Variants in SIRPB1 observed in about 807,000 individuals in gnomAD.
SIRPB1 encodes signal regulatory protein beta 1.
A neutral mutation model predicts 34.1 loss-of-function variants in SIRPB1; 28 were observed. That is an observed-to-expected ratio of 0.82 (90% CI 0.61 to 1.12). The LOEUF is 1.12. Among genes scored for constraint, SIRPB1 ranks in the 50% most tolerant of loss-of-function variants. SIRPB1 has a pLI of 0.00. For missense variants in SIRPB1, 499 were observed against 507.0 expected (o/e 0.98, Z 0.15); for synonymous variants, 211 against 203.8 (o/e 1.04, Z -0.30).
intron 5 of SIRPB1, 91 bp downstream of exon 5, chr20:1,566,062 C>T (rs998822021): frequency 1.3e-6 from 1 of 776,250 alleles, no homozygotes; most frequent in Non-Finnish European, 2.2e-6. Flanking sequence ...CTCCACTGAC[C>T]CTGAAGCTGC....
Position 1,593,729 on chromosome 20 carries a change from C to T in SIRPB1, c.77-15035G>A, listed in dbSNP as rs966745901. Among the ~76,000 whole-genome samples, 6 of 47,234 alleles carry T rather than the reference C, an allele frequency of 1.3e-4. 2 individuals are homozygous for T. The highest frequency in any genetic ancestry group is 2.4e-4 in the Non-Finnish European group (6 of 24,768). 31.0% of individuals were successfully genotyped at this position (47,234 alleles called of 152,430 possible). On this transcript the variant is annotated intron_variant, in intron 1 of 5. Transcript: ENST00000381605. ...TATTTGTATAAGAGTCTACTGTTTA[C>T]GAAGGAAAAAGGAAAAAAAACCCAG...
At position 1,585,180 on chromosome 20, in the gene SIRPB1, C is replaced by T. The variant is rs1045525824; in HGVS notation, c.77-6486G>A. ...GAAGAAAAGTTCCATGACATTGGTC[C>T]GGGCAATGAATTTTTGGATATGAGC... On this transcript the variant is annotated intron_variant, in intron 1 of 5. Coordinates refer to ENST00000381605, the MANE Select transcript of SIRPB1 (RefSeq NM_006065.5). Among the ~76,000 whole-genome samples, 7 of 48,626 alleles carry T rather than the reference C, an allele frequency of 1.4e-4. 3 individuals carry two copies. The highest frequency in any genetic ancestry group is 1.1e-3 in the East Asian group (2 of 1,744). The allele number at this position is 48,626 out of a possible 152,430, so 31.9% of individuals were successfully genotyped here.
At position 1,578,800 on chromosome 20, in the gene SIRPB1, G is replaced by T; in HGVS notation, c.77-106C>A. ...ATTGACTGGGTGCACACCAGGAAAAGGCCTTGAGCTCAGCCCACTACATGT... is the reference window on the plus strand; with the variant it reads ...ATTGACTGGGTGCACACCAGGAAAATGCCTTGAGCTCAGCCCACTACATGT... On this transcript the variant is annotated intron_variant, in intron 1 of 5. Coordinates refer to ENST00000381605, the MANE Select transcript of SIRPB1 (RefSeq NM_006065.5). 2.1e-6 allele frequency: 2 copies of T among 964,360 alleles called. 1 individual carries two copies. Among genetic ancestry groups the T allele is most frequent in the South Asian group, 2.9e-5 (2 of 68,846 alleles). The allele number at this position is 964,360 out of a possible 1,614,324, so 59.7% of individuals were successfully genotyped here.
At chr20:1,585,242 T>C (rs1311886499) in intron 1 of SIRPB1, among the ~76,000 whole-genome samples, 1 of 48,878 alleles carries the variant, frequency 2.0e-5, no homozygotes, top group Non-Finnish European at 3.9e-5. Context: ...AATAAATAAA[T>C]GGCACTACAA....
At chr20:1,604,847 G>A (rs566268019) in intron 1 of SIRPB1, 1 of 615,556 alleles carries the variant, frequency 1.6e-6, no homozygotes, top group East Asian at 6.0e-5. Flanking sequence ...TCGCGGGTCA[G>A]CACCACCTTG....
chr20:1,570,632 A>G (rs2091215996), intron 4 of SIRPB1, 173 bp downstream of exon 4: 2 of 582,886 alleles, frequency 3.4e-6, no homozygotes, highest in African/African-American at 1.9e-5. Context: ...CAAATGGCCA[A>G]TTGTTACCTT....
In SIRPB1 at chr20:1,578,468, C is replaced by G; in HGVS notation, c.303G>C (p.Leu101=). 6.3e-7 allele frequency: 1 copy of G among 1,584,128 alleles called. No individual in the cohort carries two copies. Among genetic ancestry groups the G allele is most frequent in the Non-Finnish European group, 8.6e-7 (1 of 1,157,948 alleles). Residue 101 remains leucine (L), a synonymous_variant, in exon 2 of 6, where the codon CTG becomes CTC. Transcript: ENST00000381605. The part of the protein sequence containing the change: ...TVSELTKRNN[L]DFSISISNIT... The stretch of plus-strand genomic sequence containing the variant: ...TGTTACTGATGCTGATGGAAAAGTC[C>G]AGGTTGTTTCTCTTTGTGAGTTCTG...
In SIRPB1 at chr20:1,591,005, T is replaced by C. The variant is rs1406125924; in HGVS notation, c.77-12311A>G. Among the ~76,000 whole-genome samples, 3 of 49,188 alleles carry C rather than the reference T, an allele frequency of 6.1e-5. 1 individual carries two copies. Among genetic ancestry groups the C allele is most frequent in the African/African-American group, 4.0e-4 (3 of 7,518 alleles). The allele number at this position is 49,188 out of a possible 152,430, so 32.3% of individuals were successfully genotyped here. On this transcript the variant is annotated intron_variant, in intron 1 of 5. Transcript: ENST00000381605. ...AAAATTAGCATACACAGTAACCTTATAAAGATAGCAAAAGGGAAGTGAATC... is the reference window on the plus strand; with the variant it reads ...AAAATTAGCATACACAGTAACCTTACAAAGATAGCAAAAGGGAAGTGAATC...
At chr20:1,569,946 C>A (rs2091201750) in intron 4 of SIRPB1, among the ~76,000 whole-genome samples, 1 of 152,188 alleles carries the variant, frequency 6.6e-6, no homozygotes, top group African/African-American at 2.4e-5. Flanking sequence ...GAACACTGGC[C>A]AAATTTGGGT....
At chr20:1,598,854 G>T in intron 1 of SIRPB1, 1 of 567,780 alleles carries the variant, frequency 1.8e-6, no homozygotes, top group Non-Finnish European at 2.3e-6. Context: ...AGACATAGAT[G>T]ACAGAGACAC....
In SIRPB1 at chr20:1,566,005, C is replaced by G. The variant is rs1400449509; in HGVS notation, c.*2+148G>C. The G allele has an allele frequency of 1.0e-5, 6 of 581,790 alleles. No individual in the cohort carries two copies. In the African/African-American group the frequency reaches 1.1e-4, roughly 11 times the overall value. 36.0% of individuals were successfully genotyped at this position (581,790 alleles called of 1,614,324 possible). A position where few individuals can be genotyped will look rare whatever the true frequency, so the allele number is the denominator to read the frequency against. On this transcript the variant is annotated intron_variant, in intron 5 of 5. Transcript: ENST00000381605. ...GGGTTGGGAGCCCCATACAGGGTTC[C>G]CTGAGACTCCTGAGTATCCTGAGGG...
rs1267467093 is a variant in SIRPB1 at position 1,610,194 on chromosome 20, G to A, written c.76+9675C>T. 5.5e-5 allele frequency among the ~76,000 whole-genome samples: 4 copies of A among 72,670 alleles called. 2 individuals carry two copies. The highest frequency in any genetic ancestry group is 3.5e-4 in the African/African-American group (4 of 11,458). 47.7% of individuals were successfully genotyped at this position (72,670 alleles called of 152,430 possible). ...TGTGAGGTGCATTCTTAACATTTGG[G>A]AAACTGATGAAAAGAGAAATGCTGG... On this transcript the variant is annotated intron_variant, in intron 1 of 5. Coordinates refer to ENST00000381605, the MANE Select transcript of SIRPB1 (RefSeq NM_006065.5).
At chr20:1,614,931 C>T (rs545654636) in intron 1 of SIRPB1, among the ~76,000 whole-genome samples, 3 of 152,238 alleles carry the variant, frequency 2.0e-5, no homozygotes, top group Non-Finnish European at 4.4e-5. Context: ...GCTGCCATGG[C>T]TCTCCATCCT....
At position 1,576,175 on chromosome 20, in the gene SIRPB1, G is replaced by A. The variant is rs1482494208; in HGVS notation, c.433+2163C>T. On this transcript the variant is annotated intron_variant, in intron 2 of 5. Coordinates refer to ENST00000381605, the MANE Select transcript of SIRPB1 (RefSeq NM_006065.5). ...GCCACCACTGGCTGTGGCTGCCTGG[G>A]CTGGGGAGGCACCACCTGGGCATTT... is the stretch of plus-strand genomic sequence containing the variant. Among the ~76,000 whole-genome samples the A allele has an allele frequency of 4.7e-5, 7 of 147,380 alleles. 1 individual carries two copies. Among genetic ancestry groups the A allele is most frequent in the African/African-American group, 1.7e-4 (7 of 40,580 alleles).
intron 4 of SIRPB1, 90 bp from the exon 5 acceptor site, chr20:1,566,357 G>C: frequency 1.4e-6 from 1 of 701,528 alleles, no homozygotes; most frequent in Admixed American, 2.8e-5. Context: ...AGGCTACCTG[G>C]GCCCATCAAT....
At chr20:1,614,106 G>A in intron 1 of SIRPB1, among the ~76,000 whole-genome samples, 1 of 152,184 alleles carries the variant, frequency 6.6e-6, no homozygotes, top group East Asian at 1.9e-4. Flanking sequence ...TCAAAATGTT[G>A]AAAGAGGAAA....
At position 1,603,023 on chromosome 20, in the gene SIRPB1, G is replaced by A. The variant is rs551127322; in HGVS notation, c.76+16846C>T. 1.9e-5 allele frequency: 2 copies of A among 107,388 alleles called. 1 individual carries two copies. Among genetic ancestry groups the A allele is most frequent in the Admixed American group, 1.3e-4 (2 of 15,216 alleles). 6.7% of individuals were successfully genotyped at this position (107,388 alleles called of 1,614,324 possible). ...CTTGGGACGATGCCCAGCAGAAAGA[G>A]ACGTTTCTCAAATTAGCATAAATTT... On this transcript the variant is annotated intron_variant, in intron 1 of 5. Coordinates refer to ENST00000381605, the MANE Select transcript of SIRPB1 (RefSeq NM_006065.5).
At chr20:1,568,232 A>G (rs888577057) in intron 4 of SIRPB1, among the ~76,000 whole-genome samples, 19 of 152,198 alleles carry the variant, frequency 1.2e-4, no homozygotes, top group African/African-American at 4.3e-4. Flanking sequence ...TTGAAGAGAG[A>G]ATGCCAAACT....
chr20:1,578,662 G>T lies in SIRPB1; in HGVS notation c.109C>A (p.Gln37Lys). Residue 37 changes from glutamine to lysine, a missense_variant, in exon 2 of 6, where the codon CAG becomes AAG. Transcript: ENST00000381605. The stretch of plus-strand genomic sequence containing the variant: ...GCAACTGATACGGACTTTTCAGGCT[G>T]AATCACCTGTAGCTCGTCCTCACCT... The part of the protein sequence containing the change: ...VAGEDELQVI[Q>K]PEKSVSVAAG... 1 of 1,584,008 alleles carries T rather than the reference G, an allele frequency of 6.3e-7. No individual in the cohort carries two copies. The highest frequency in any genetic ancestry group is 8.6e-7 in the Non-Finnish European group (1 of 1,157,474).
Sources: gnomAD v4.1 joint callset for allele counts (sites outside exome capture counted in the v4.1 genomes callset) on GRCh38, gnomAD v4.1.1 for gene constraint, MANE v1.5 for transcripts, NCBI Gene and HGNC (gene_info 2026-07-23, HGNC 2026-07-21) for gene names.